Variants in TTC8 observed in about 807,000 individuals in gnomAD.
The protein encoded by TTC8 is tetratricopeptide repeat protein 8.
Under a neutral mutation model 72.5 loss-of-function variants are expected in TTC8, and 47 were observed. The observed-to-expected ratio is 0.65, with a 90% CI of 0.51 to 0.83. The LOEUF (loss-of-function observed/expected upper bound fraction) is 0.83, where lower values mean the gene tolerates loss of function less well. TTC8 is among the 40% of genes least tolerant of loss of function. TTC8 has a pLI of 0.00. For missense variants in TTC8, 611 were observed against 623.2 expected (o/e 0.98, Z 0.21); for synonymous variants, 199 against 221.4 (o/e 0.90, Z 0.90).
chr14:88,860,529 G>T (rs1440802277), intron 9 of TTC8, among the ~76,000 whole-genome samples: 2 of 152,004 alleles, frequency 1.3e-5, no homozygotes, highest in African/African-American at 4.8e-5. Flanking sequence ...TTGTTCCATG[G>T]GTCATCTCCT....
intron 7 of TTC8, chr14:88,846,839 T>G (rs1162993926): frequency 2.5e-6 from 1 of 407,154 alleles, no homozygotes; most frequent in Non-Finnish European, 4.4e-6. Flanking sequence ...AACTTTTTAT[T>G]TTAAGCAGCA....
chr14:88,877,207 C>T, intron 14 of TTC8, 87 bp from the exon 15 acceptor site: 1 of 929,934 alleles, frequency 1.1e-6, no homozygotes. Context: ...CTACAGCATG[C>T]AGATACTATG....
intron 7 of TTC8, among the ~76,000 whole-genome samples, chr14:88,847,692 A>C (rs777593456): frequency 7.9e-5 from 12 of 152,354 alleles, no homozygotes; most frequent in Middle Eastern, 6.8e-3. Context: ...ACAATCACAA[A>C]GGAAAAAGAC....
intron 7 of TTC8, among the ~76,000 whole-genome samples, chr14:88,852,316 T>G (rs1379447093): frequency 6.6e-6 from 1 of 152,194 alleles, no homozygotes; most frequent in African/African-American, 2.4e-5. Context: ...ATTAAAGATA[T>G]GGGGTAAACA....
intron 13 of TTC8, among the ~76,000 whole-genome samples, chr14:88,873,515 T>G (rs1404333024): frequency 6.6e-6 from 1 of 152,212 alleles, no homozygotes; most frequent in Non-Finnish European, 1.5e-5. Context: ...ATATCTGTCA[T>G]GTAACTGTTA....
intron 2 of TTC8, among the ~76,000 whole-genome samples, chr14:88,835,613 T>A (rs1257284295): frequency 2.0e-5 from 3 of 152,206 alleles, no homozygotes; most frequent in Non-Finnish European, 4.4e-5. Flanking sequence ...TTACATAAAC[T>A]ATTTTTTAAA....
At chr14:88,870,524 T>C (rs961769682) in intron 11 of TTC8, among the ~76,000 whole-genome samples, 11 of 152,306 alleles carry the variant, frequency 7.2e-5, no homozygotes, top group African/African-American at 1.9e-4. Context: ...GTTAATACCA[T>C]TAAACATAAA....
rs749837970 is a variant in TTC8, at chr14:88,877,453, CA to C, written c.*45del. 58 of 1,508,550 alleles carry C rather than the reference CA, an allele frequency of 3.8e-5. No individual in the cohort carries two copies. In the African/African-American group the frequency reaches 5.5e-4, roughly 14 times the overall value. 93.4% of individuals were successfully genotyped at this position (1,508,550 alleles called of 1,614,324 possible). On this transcript the variant is annotated 3_prime_UTR_variant, in exon 15 of 15. Coordinates refer to ENST00000380656, the MANE Select transcript of TTC8 (RefSeq NM_144596.4). The stretch of plus-strand genomic sequence containing the variant: ...TATGTTCTTATGAAGCAGCATTATG[CA>C]AGGGGAAAAAAGCACTATGTCTGTG...
chr14:88,830,799 G>A, intron 1 of TTC8: 1 of 454,248 alleles, frequency 2.2e-6, no homozygotes, highest in Non-Finnish European at 4.4e-6. Flanking sequence ...GCGACCCAAA[G>A]AGGAAAGGCT....
chr14:88,843,205 T>A (rs1040754150), intron 6 of TTC8, among the ~76,000 whole-genome samples: 1 of 152,204 alleles, frequency 6.6e-6, no homozygotes, highest in Non-Finnish European at 1.5e-5. Flanking sequence ...TTAAAAAATA[T>A]AAGGTCAGGG....
chr14:88,871,812 G>T lies in TTC8; in HGVS notation c.1224+89G>T. ...CATGCCTATAATTCCAGCATTTTGG[G>T]AGGCTGAAGCAGGAGGATTGCTTGA... On this transcript the variant is annotated intron_variant, in intron 12 of 14. Coordinates refer to ENST00000380656, the MANE Select transcript of TTC8 (RefSeq NM_144596.4). This position sits in a 1 kb window ranked among gnomAD's most constrained non-coding sequence, Gnocchi z 4.1. 6.8e-7 allele frequency: 1 copy of T among 1,467,602 alleles called. No individual in the cohort carries two copies. The highest frequency in any genetic ancestry group is 2.3e-5 in the East Asian group (1 of 44,024). 90.9% of individuals were successfully genotyped at this position (1,467,602 alleles called of 1,614,324 possible).
intron 8 of TTC8, among the ~76,000 whole-genome samples, chr14:88,854,771 A>C (rs954228218): frequency 2.4e-4 from 37 of 152,198 alleles, no homozygotes; most frequent in African/African-American, 8.7e-4. Context: ...CTGCAGCCTC[A>C]ATCTCCTGGG....
At position 88,872,429 on chromosome 14, in the gene TTC8, A is replaced by T. The variant is rs1259630992; in HGVS notation, c.1324A>T (p.Met442Leu). 1 of 1,613,872 alleles carries T rather than the reference A, an allele frequency of 6.2e-7. No individual in the cohort carries two copies. Among genetic ancestry groups the T allele is most frequent in the Non-Finnish European group, 8.5e-7 (1 of 1,179,926 alleles). Residue 442 changes from methionine to leucine, a missense_variant, in exon 13 of 15, where the codon ATG becomes TTG. Transcript: ENST00000380656. ...CTACAACAACCTGGCTGTGCTGGAG[A>T]TGCGGAAGGGCCACGTTGAACAGGT... Reference protein sequence around the residue: ...EAYNNLAVLEMRKGHVEQARA... With the variant: ...EAYNNLAVLELRKGHVEQARA...
intron 7 of TTC8, among the ~76,000 whole-genome samples, chr14:88,852,100 A>G (rs1395667241): frequency 6.6e-6 from 1 of 152,198 alleles, no homozygotes; most frequent in Non-Finnish European, 1.5e-5. Context: ...GAAAAATCGT[A>G]TTACAAAAAA....
downstream of TTC8, chr14:88,879,703 G>A (rs1249065388): frequency 1.4e-5 from 2 of 148,084 alleles, no homozygotes; most frequent in African/African-American, 5.0e-5. Flanking sequence ...TATTATGACA[G>A]TCTTGCTCGG....
downstream of TTC8, chr14:88,880,147 T>C (rs1374715160): frequency 1.3e-5 from 2 of 152,154 alleles, no homozygotes; most frequent in African/African-American, 2.4e-5. Context: ...AAAAAAGCCA[T>C]CACCAAATAA....
At position 88,857,264 on chromosome 14, in the gene TTC8, T is replaced by G. The variant is rs1459496188; in HGVS notation, c.785T>G (p.Leu262Arg). ...LKQQEMVDTFLYLAKVYVSLD... is the reference protein window; with the variant it reads ...LKQQEMVDTFRYLAKVYVSLD... ...CAGCAGGAAATGGTAGATACATTTC[T>G]GTACTTGGCAAAAGTAAGTAAATCT... The change falls in exon 9 of 15, where the codon CTG (leucine) becomes CGG (arginine). Residue 262 changes from leucine to arginine, a missense_variant. Leu to Arg is a moderately radical substitution (Grantham distance 102). Coordinates refer to ENST00000380656, the MANE Select transcript of TTC8 (RefSeq NM_144596.4). 3.7e-6 allele frequency: 6 copies of G among 1,613,662 alleles called. No homozygotes were observed. Among genetic ancestry groups the G allele is most frequent in the Non-Finnish European group, 5.1e-6 (6 of 1,179,678 alleles).
chr14:88,850,232 G>T (rs182164978), intron 7 of TTC8, among the ~76,000 whole-genome samples: 1 of 152,102 alleles, frequency 6.6e-6, no homozygotes, highest in African/African-American at 2.4e-5. Context: ...ATTTTGTTTG[G>T]TTTTTAAGGT....
intron 1 of TTC8, among the ~76,000 whole-genome samples, chr14:88,826,618 G>A (rs2094702305): frequency 6.6e-6 from 1 of 152,102 alleles, no homozygotes; most frequent in African/African-American, 2.4e-5. Flanking sequence ...GTAGGAGAAT[G>A]GCGTGAACCC....
Sources: allele counts gnomAD v4.1 joint callset (sites outside exome capture counted in the v4.1 genomes callset), GRCh38; gene constraint gnomAD v4.1.1; non-coding constraint Gnocchi (gnomAD v3.1); transcripts MANE v1.5; gene names NCBI Gene and HGNC (gene_info 2026-07-23, HGNC 2026-07-21).